PLCE1: variants seen among roughly 807,000 people sequenced by gnomAD.
PLCE1 encodes phospholipase C epsilon 1.
A neutral mutation model predicts 242.8 loss-of-function variants in PLCE1; 119 were observed. The observed-to-expected ratio is 0.49, with a 90% confidence interval of 0.42 to 0.57. PLCE1 has a LOEUF of 0.57. Ranked by LOEUF, PLCE1 falls within the 20% of genes least tolerant of loss-of-function variation. PLCE1 has a pLI of 0.00. For missense variants in PLCE1, 2,441 were observed against 2,788.8 expected, an observed-to-expected ratio of 0.88 and a Z score of 2.81; for synonymous variants, 945 against 1,017.4, an observed-to-expected ratio of 0.93 and a Z score of 1.35.
Position 94,298,726 on chromosome 10 carries a change from G to A in PLCE1, c.5458+57G>A, listed in dbSNP as rs2052930249. ...TGCATCTTACATTTCAGTAAATGCA[G>A]TTTGACAGCATTTTTTCAAAGGGGC... On this transcript the variant is annotated intron_variant, in intron 24 of 32. Transcript: ENST00000371380. The surrounding 1 kb of genome is among the most constrained non-coding windows in gnomAD (Gnocchi z 5.2). The A allele has an allele frequency of 3.2e-6, 5 of 1,579,668 alleles. No individual in the cohort carries two copies. Among genetic ancestry groups the A allele is most frequent in the Admixed American group, 1.7e-5 (1 of 59,992 alleles).
intron 3 of PLCE1, among the ~76,000 whole-genome samples, chr10:94,168,253 A>G (rs1330239213): frequency 6.6e-6 from 1 of 152,186 alleles, no homozygotes; most frequent in Non-Finnish European, 1.5e-5. Flanking sequence ...AAGAGGAAAG[A>G]GGACATAATA....
intron 7 of PLCE1, among the ~76,000 whole-genome samples, chr10:94,240,172 C>T (rs917682679): frequency 6.6e-6 from 1 of 152,126 alleles, no homozygotes; most frequent in Admixed American, 6.5e-5. Context: ...CAGAGAAGCT[C>T]TATTTGTATG....
intron 4 of PLCE1, among the ~76,000 whole-genome samples, chr10:94,224,742 C>G (rs568318353): frequency 1.3e-5 from 2 of 152,186 alleles, no homozygotes; most frequent in Non-Finnish European, 2.9e-5. Context: ...ATGGATGCAC[C>G]AATGACTCAG....
At chr10:94,042,285 G>A (rs942734290) in intron 2 of PLCE1, among the ~76,000 whole-genome samples, 1 of 152,176 alleles carries the variant, frequency 6.6e-6, no homozygotes, top group Admixed American at 6.5e-5. Context: ...AAGTAAGATG[G>A]TAAGTACTGG....
chr10:94,024,920 C>T (rs757280036), intron 1 of PLCE1, among the ~76,000 whole-genome samples: 2 of 152,090 alleles, frequency 1.3e-5, no homozygotes, highest in Non-Finnish European at 2.9e-5. Context: ...GATAATAATA[C>T]TACCCCCACC....
intron 2 of PLCE1, chr10:94,104,810 A>G (rs1033510084): frequency 2.6e-5 from 4 of 152,198 alleles, no homozygotes; most frequent in Non-Finnish European, 4.4e-5. Flanking sequence ...AGAACAGATG[A>G]TGGTTTTACT....
At chr10:94,009,622 T>A (rs1229088928) in intron 1 of PLCE1, among the ~76,000 whole-genome samples, 1 of 152,204 alleles carries the variant, frequency 6.6e-6, no homozygotes, top group Admixed American at 6.5e-5. Flanking sequence ...AAACAACTTA[T>A]TTACTTCCAA....
chr10:94,093,934 C>A lies in PLCE1; in HGVS notation c.1207-38240C>A, dbSNP rs796368961. Among the ~76,000 whole-genome samples the A allele has an allele frequency of 2.4e-4, 19 of 79,186 alleles. 1 individual carries two copies. Among genetic ancestry groups the A allele is most frequent in the African/African-American group, 9.8e-4 (18 of 18,314 alleles). The allele number at this position is 79,186 out of a possible 152,430, so 51.9% of individuals were successfully genotyped here. On this transcript the variant is annotated intron_variant, in intron 2 of 32. Transcript: ENST00000371380. ...TCATTCAGTCATTTAATCGGTATTT[C>A]TTTTTTTTTTTTTTTTTTTTTTTTT...
chr10:94,255,080 C>T, intron 11 of PLCE1, 31 bp downstream of exon 11: 2 of 1,609,146 alleles, frequency 1.2e-6, no homozygotes. Flanking sequence ...AACAGAAGGA[C>T]CCTTCACATT....
intron 2 of PLCE1, among the ~76,000 whole-genome samples, chr10:94,042,951 T>C (rs141783271): frequency 3.0e-3 from 451 of 152,338 alleles, no homozygotes; most frequent in African/African-American, 0.01. Flanking sequence ...TTTAGTTTTC[T>C]GTGATCTCTC....
chr10:94,089,160 C>G (rs770158413), intron 2 of PLCE1: 1 of 1,613,956 alleles, frequency 6.2e-7, no homozygotes, highest in South Asian at 1.1e-5. Flanking sequence ...GGCAGCTCCA[C>G]GTGAGATTCT....
At chr10:94,143,895 T>G (rs966284908) in intron 3 of PLCE1, among the ~76,000 whole-genome samples, 1 of 152,220 alleles carries the variant, frequency 6.6e-6, no homozygotes, top group Non-Finnish European at 1.5e-5. Context: ...AAATGTATGC[T>G]CAAACACCAC....
chr10:94,171,422 A>G lies in PLCE1; in HGVS notation c.1735A>G (p.Ile579Val), dbSNP rs368809484. The G allele has an allele frequency of 1.9e-6, 3 of 1,614,080 alleles. No individual in the cohort carries two copies. In the African/African-American group the frequency reaches 4.0e-5, roughly 22 times the overall value. ...CTCCTTGCCCTGCCTCAAAGCATCC[A>G]TCTCAGCGTCGATTCTTACCACTCA... is the stretch of plus-strand genomic sequence containing the variant. ...QSSLPCLKAS[I>V]SASILTTQNG... Residue 579 changes from isoleucine to valine, a missense_variant, in exon 4 of 33, where the codon ATC (isoleucine) becomes GTC (valine). Transcript: ENST00000371380.
chr10:94,182,891 T>A (rs1043404595), intron 4 of PLCE1, among the ~76,000 whole-genome samples: 3 of 152,218 alleles, frequency 2.0e-5, no homozygotes, highest in African/African-American at 7.2e-5. Flanking sequence ...GTAGAAACAA[T>A]AATGGATCCG....
chr10:94,268,071 G>A (rs932429376), intron 16 of PLCE1, among the ~76,000 whole-genome samples: 2 of 152,196 alleles, frequency 1.3e-5, no homozygotes, highest in African/African-American at 4.8e-5. Flanking sequence ...TTTTTAAGAT[G>A]ATGTACAGAT....
intron 3 of PLCE1, among the ~76,000 whole-genome samples, chr10:94,162,343 T>C (rs910361310): frequency 5.3e-5 from 8 of 152,216 alleles, no homozygotes; most frequent in African/African-American, 1.4e-4. Flanking sequence ...AGCCTGTTAT[T>C]GGTCTATTCA....
chr10:94,224,358 C>T lies in PLCE1; in HGVS notation c.1810-2948C>T, dbSNP rs547817304. Among the ~76,000 whole-genome samples the T allele has an allele frequency of 3.1e-4, 47 of 152,286 alleles. No individual in the cohort carries two copies. In the Middle Eastern group the frequency reaches 0.017, roughly 55 times the overall value. ...GACACAAACCAAGTGGTGGTCTCCA[C>T]CTGCCCTGTGAAGCAGACCTCTCCA... On this transcript the variant is annotated intron_variant, in intron 4 of 32. Coordinates refer to ENST00000371380, the MANE Select transcript of PLCE1 (RefSeq NM_016341.4).
chr10:94,041,304 CT>C (rs1418110407), intron 2 of PLCE1, among the ~76,000 whole-genome samples: 1 of 152,128 alleles, frequency 6.6e-6, no homozygotes, highest in East Asian at 1.9e-4. Flanking sequence ...CTACTGCAGG[CT>C]TGTTAGCTGT....
intron 4 of PLCE1, among the ~76,000 whole-genome samples, chr10:94,188,356 A>G (rs2048548247): frequency 6.6e-6 from 1 of 152,210 alleles, no homozygotes; most frequent in African/African-American, 2.4e-5. Context: ...CTTAGGGAAA[A>G]AATTTGAAGT....
Sources: gnomAD v4.1 joint callset for allele counts (sites outside exome capture counted in the v4.1 genomes callset) on GRCh38, gnomAD v4.1.1 for gene constraint, Gnocchi (gnomAD v3.1) non-coding constraint, MANE v1.5 for transcripts, NCBI Gene and HGNC (gene_info 2026-07-23, HGNC 2026-07-21) for gene names.